MBNL2: variants seen among roughly 807,000 people sequenced by gnomAD.
The protein encoded by MBNL2 is muscleblind like splicing regulator 2.
A neutral mutation model predicts 41.9 loss-of-function variants in MBNL2; 17 were observed. That is an observed-to-expected ratio of 0.41 (90% confidence interval 0.28 to 0.61). The LOEUF (loss-of-function observed/expected upper bound fraction) is 0.61, where lower values mean the gene tolerates loss of function less well. Ranked by LOEUF, MBNL2 falls within the 20% of genes least tolerant of loss-of-function variation. The pLI, the probability that MBNL2 is intolerant of heterozygous loss-of-function variation, is 0.35. For synonymous variants in MBNL2, 195 were observed against 182.9 expected (o/e 1.07, Z -0.53); for missense variants, 336 against 505.6 (o/e 0.66, Z 3.22).
In MBNL2 at chr13:97,342,894, T is replaced by C. The variant is rs955702579; in HGVS notation, c.340-122T>C. On this transcript the variant is annotated intron_variant, in intron 3 of 8. Coordinates refer to ENST00000679496, the MANE Select transcript of MBNL2 (RefSeq NM_001382683.1). ...ATGTCATTTTTATTATAGGTCAGCA[T>C]TGAGCTATACAATTAACACAGAGTA... The C allele has an allele frequency of 1.1e-4, 69 of 623,576 alleles. 1 individual carries two copies. The South Asian group carries it at 1.2e-3, about 11-fold the overall frequency. The allele number at this position is 623,576 out of a possible 1,614,324, so 38.6% of individuals were successfully genotyped here.
chr13:97,280,443 C>CA (rs1162604273), intron 2 of MBNL2, among the ~76,000 whole-genome samples: 1 of 152,178 alleles, frequency 6.6e-6, no homozygotes, highest in Non-Finnish European at 1.5e-5. Context: ...TGAAAACACT[C>CA]AGAGTATGGG....
chr13:97,337,069 C>T (rs1199635644), intron 3 of MBNL2, among the ~76,000 whole-genome samples: 1 of 152,104 alleles, frequency 6.6e-6, no homozygotes, highest in Non-Finnish European at 1.5e-5. Flanking sequence ...ACGTTGAGTC[C>T]TAACCTCTAA....
chr13:97,202,745 C>T, the MBNL2 span, among the ~76,000 whole-genome samples: 38 of 152,218 alleles, frequency 2.5e-4, no homozygotes, highest in Admixed American at 1.4e-3. Context: ...GAACGTAGAA[C>T]GGAAAAGGCA....
intron 7 of MBNL2, among the ~76,000 whole-genome samples, chr13:97,363,388 G>C (rs141717675): frequency 6.7e-6 from 1 of 149,884 alleles, no homozygotes; most frequent in Non-Finnish European, 1.5e-5. Flanking sequence ...GTTCAGCAAA[G>C]TAGACAAAGG....
At chr13:97,233,472 G>A (rs1454551491) in intron 1 of MBNL2, among the ~76,000 whole-genome samples, 1 of 151,038 alleles carries the variant, frequency 6.6e-6, no homozygotes, top group Admixed American at 6.6e-5. Flanking sequence ...GTCTGTACCT[G>A]GCACCCCTAC....
chr13:97,358,260 A>G lies in MBNL2; in HGVS notation c.1012+625A>G, dbSNP rs561354189. ...TAATAGTCATAGAATCTTAGAGTTT[A>G]AAGGACTCTTAGTGATCTCCTCATC... On this transcript the variant is annotated intron_variant, in intron 7 of 8. Transcript: ENST00000679496. 2.0e-5 allele frequency among the ~76,000 whole-genome samples: 3 copies of G among 152,312 alleles called. No homozygotes were observed. In the South Asian group the frequency reaches 6.2e-4, roughly 32 times the overall value.
chr13:97,287,659 TTTC>T (rs1291146992), intron 2 of MBNL2, among the ~76,000 whole-genome samples: 2 of 151,840 alleles, frequency 1.3e-5, no homozygotes, highest in Non-Finnish European at 2.9e-5. Flanking sequence ...CCAAGATTGT[TTTC>T]TTCTTATTCT....
intron 1 of MBNL2, among the ~76,000 whole-genome samples, chr13:97,252,106 T>G (rs112020769): frequency 0.024 from 3,582 of 152,056 alleles, 62 homozygotes; most frequent in South Asian, 0.11. Context: ...CGCCTCGGCC[T>G]CCCAAAGTGC....
At chr13:97,284,127 G>A (rs1594147513) in intron 2 of MBNL2, among the ~76,000 whole-genome samples, 2 of 152,320 alleles carry the variant, frequency 1.3e-5, no homozygotes, top group South Asian at 2.1e-4. Flanking sequence ...CACAAACCGT[G>A]TGGTTTAAAA....
intron 2 of MBNL2, among the ~76,000 whole-genome samples, chr13:97,323,123 C>T (rs946641702): frequency 1.9e-4 from 29 of 152,230 alleles, no homozygotes; most frequent in South Asian, 6.2e-4. Flanking sequence ...TGTGCAGGAA[C>T]ACACCCACAA....
At chr13:97,244,920 T>G (rs1416930688) in intron 1 of MBNL2, among the ~76,000 whole-genome samples, 1 of 152,208 alleles carries the variant, frequency 6.6e-6, no homozygotes, top group Non-Finnish European at 1.5e-5. Context: ...AGATGTACAG[T>G]TTTATTCATT....
intron 2 of MBNL2, among the ~76,000 whole-genome samples, chr13:97,320,344 C>T (rs1182485847): frequency 6.6e-6 from 1 of 151,240 alleles, no homozygotes; most frequent in Non-Finnish European, 1.5e-5. Context: ...ACTGCAACCT[C>T]CGCCTCCCGG....
chr13:97,243,544 T>C (rs2044758833), intron 1 of MBNL2, among the ~76,000 whole-genome samples: 1 of 152,148 alleles, frequency 6.6e-6, no homozygotes, highest in Admixed American at 6.5e-5. Context: ...AACTGGGTCT[T>C]GGAGGATGCC....
chr13:97,377,983 A>G (rs1312174770), intron 8 of MBNL2, among the ~76,000 whole-genome samples: 1 of 152,202 alleles, frequency 6.6e-6, no homozygotes, highest in Non-Finnish European at 1.5e-5. Flanking sequence ...GGAGCTTGAA[A>G]GACAGATGTT....
At chr13:97,146,399 A>T in the MBNL2 span, among the ~76,000 whole-genome samples, 1 of 152,214 alleles carries the variant, frequency 6.6e-6, no homozygotes, top group African/African-American at 2.4e-5. Flanking sequence ...AGCATTAGGC[A>T]TGAACATATG....
chr13:97,319,743 A>G (rs9584547), intron 2 of MBNL2, among the ~76,000 whole-genome samples: 37,391 of 152,150 alleles, frequency 0.25, 4,839 homozygotes, highest in Non-Finnish European at 0.29. Context: ...AATTATCCCA[A>G]CATTTCTCTT....
chr13:97,233,007 T>C (rs904470806), intron 1 of MBNL2, among the ~76,000 whole-genome samples: 2 of 150,312 alleles, frequency 1.3e-5, no homozygotes, highest in African/African-American at 4.9e-5. Context: ...CAAAGTGAAA[T>C]GTTTGTGCTG....
chr13:97,354,772 C>T, intron 5 of MBNL2, among the ~76,000 whole-genome samples: 1 of 152,252 alleles, frequency 6.6e-6, no homozygotes, highest in African/African-American at 2.4e-5. Flanking sequence ...GAGACATAAT[C>T]GCTCATCTAG....
At chr13:97,376,942 A>G (rs1381673984) in intron 8 of MBNL2, among the ~76,000 whole-genome samples, 1 of 152,196 alleles carries the variant, frequency 6.6e-6, no homozygotes, top group Non-Finnish European at 1.5e-5. Flanking sequence ...CTGATCACCC[A>G]TGTCCTGCCT....
Sources: allele counts gnomAD v4.1 joint callset (sites outside exome capture counted in the v4.1 genomes callset), GRCh38; gene constraint gnomAD v4.1.1; transcripts MANE v1.5; gene names NCBI Gene and HGNC (gene_info 2026-07-23, HGNC 2026-07-21).